The following HCRTR2 variants were observed in gnomAD, a reference collection of about 807,000 sequenced individuals.
HCRTR2 encodes hypocretin receptor 2.
In HCRTR2, 22 loss-of-function variants were observed where a neutral mutation model predicts 49.0. The ratio of observed to expected loss-of-function variants is 0.45; its 90% CI spans 0.32 to 0.64. The LOEUF (loss-of-function observed/expected upper bound fraction) is 0.64. HCRTR2 is among the 30% of genes least tolerant of loss of function. The probability of loss-of-function intolerance (pLI) is 0.04; values close to 1 mark genes in which losing one functional copy is unlikely to be tolerated. For missense variants in HCRTR2, 491 were observed against 559.4 expected, an observed-to-expected ratio of 0.88 and a Z score of 1.23; for synonymous variants, 236 against 205.3, an observed-to-expected ratio of 1.15 and a Z score of -1.28.
intron 1 of HCRTR2, among the ~76,000 whole-genome samples, chr6:55,155,757 A>T (rs927490664): frequency 3.9e-5 from 6 of 152,024 alleles, no homozygotes; most frequent in Non-Finnish European, 7.4e-5. Flanking sequence ...ATCAGATTGA[A>T]TCATGTTTAT....
At chr6:55,120,576 T>G (rs1268843226) in intron 1 of HCRTR2, among the ~76,000 whole-genome samples, 1 of 150,244 alleles carries the variant, frequency 6.7e-6, no homozygotes, top group Non-Finnish European at 1.5e-5. Flanking sequence ...TGTATAGGAA[T>G]GCTTGTGATT....
chr6:55,140,834 T>C (rs1764496177), intron 1 of HCRTR2, among the ~76,000 whole-genome samples: 1 of 152,104 alleles, frequency 6.6e-6, no homozygotes, highest in Admixed American at 6.6e-5. Context: ...ATCTTGCAAA[T>C]GTATACCTAC....
At chr6:55,114,942 C>T (rs1281373546) in intron 1 of HCRTR2, among the ~76,000 whole-genome samples, 2 of 151,572 alleles carry the variant, frequency 1.3e-5, no homozygotes, top group Non-Finnish European at 3.0e-5. Context: ...CTACCAAAGA[C>T]CCTTGTTTTC....
intron 1 of HCRTR2, among the ~76,000 whole-genome samples, chr6:55,221,236 G>A (rs1297365959): frequency 6.6e-6 from 1 of 152,142 alleles, no homozygotes; most frequent in Non-Finnish European, 1.5e-5. Context: ...TCTGGAGAAA[G>A]AAGAGCAAAG....
intron 2 of HCRTR2, among the ~76,000 whole-genome samples, chr6:55,250,194 C>G (rs554972603): frequency 6.6e-6 from 1 of 152,104 alleles, no homozygotes; most frequent in South Asian, 2.1e-4. Flanking sequence ...TTGGATCAGC[C>G]TGCTGAAAAT....
intron 1 of HCRTR2, among the ~76,000 whole-genome samples, chr6:55,221,828 A>AAC (rs1216571014): frequency 1.3e-5 from 2 of 149,002 alleles, no homozygotes; most frequent in Non-Finnish European, 3.0e-5. Flanking sequence ...AAAAAAAAAT[A>AAC]CAAGATCTGA....
At chr6:55,251,213 T>C (rs565680333) in intron 2 of HCRTR2, among the ~76,000 whole-genome samples, 337 of 152,248 alleles carry the variant, frequency 2.2e-3, no homozygotes, top group African/African-American at 7.7e-3. Context: ...AGTTATTTGG[T>C]TGCATTTTAG....
intron 1 of HCRTR2, among the ~76,000 whole-genome samples, chr6:55,185,873 C>T (rs1399709657): frequency 1.3e-5 from 2 of 152,146 alleles, no homozygotes; most frequent in African/African-American, 4.8e-5. Context: ...AAACAGAATA[C>T]AATGTTTCCC....
intron 1 of HCRTR2, among the ~76,000 whole-genome samples, chr6:55,231,144 AC>A (rs1766106952): frequency 6.6e-6 from 1 of 152,098 alleles, no homozygotes. Context: ...TCAACTACAC[AC>A]ACTTCAGTCA....
chr6:55,144,181 C>T (rs1158442382), intron 1 of HCRTR2, among the ~76,000 whole-genome samples: 2 of 147,620 alleles, frequency 1.4e-5, no homozygotes, highest in Non-Finnish European at 3.0e-5. Context: ...GGCGCGATCT[C>T]GGCGCACCGC....
intron 1 of HCRTR2, among the ~76,000 whole-genome samples, chr6:55,211,297 A>G (rs540242280): frequency 2.6e-5 from 4 of 152,296 alleles, no homozygotes; most frequent in Admixed American, 2.6e-4. Context: ...GTGAAAATAA[A>G]TATAATTTTT....
At position 55,178,184 on chromosome 6, in the gene HCRTR2, T is replaced by C. The variant is rs193149529; in HGVS notation, c.223+3374T>C. Reference sequence around the variant, plus strand: ...CTCCTGATTCCTTGAATGACAATTGTAGGGAGAAATGTGTTCTAGTCAGTT... The same window carrying C: ...CTCCTGATTCCTTGAATGACAATTGCAGGGAGAAATGTGTTCTAGTCAGTT... On this transcript the variant is annotated intron_variant, in intron 1 of 6. Transcript: ENST00000370862. 2.7e-3 allele frequency among the ~76,000 whole-genome samples: 408 copies of C among 152,258 alleles called. 2 individuals are homozygous for C. The highest frequency in any genetic ancestry group is 9.4e-3 in the African/African-American group (390 of 41,570).
At chr6:55,167,013 G>A (rs71560898) in intron 1 of HCRTR2, among the ~76,000 whole-genome samples, 8 of 152,076 alleles carry the variant, frequency 5.3e-5, no homozygotes, top group Non-Finnish European at 8.8e-5. Context: ...TTGAGTGTTT[G>A]CCAGCATGTG....
At chr6:55,159,954 C>T (rs1199611018) in intron 1 of HCRTR2, among the ~76,000 whole-genome samples, 2 of 152,156 alleles carry the variant, frequency 1.3e-5, no homozygotes, top group African/African-American at 4.8e-5. Context: ...CCTAGCAAGA[C>T]AGGCCAACAT....
At chr6:55,141,770 A>AT (rs879464181) in intron 1 of HCRTR2, among the ~76,000 whole-genome samples, 28 of 152,330 alleles carry the variant, frequency 1.8e-4, no homozygotes, top group Admixed American at 1.6e-3. Context: ...TAAAAAGGGT[A>AT]TTTTTAACAG....
At chr6:55,115,632 T>A (rs1348272074) in intron 1 of HCRTR2, among the ~76,000 whole-genome samples, 2 of 151,628 alleles carry the variant, frequency 1.3e-5, no homozygotes, top group Non-Finnish European at 3.0e-5. Flanking sequence ...GAATGGTAGT[T>A]ACCATTTTTA....
chr6:55,107,353 C>T (rs980310551), intron 1 of HCRTR2, among the ~76,000 whole-genome samples: 41 of 152,084 alleles, frequency 2.7e-4, no homozygotes, highest in Admixed American at 2.6e-3. Context: ...AAAGCAACTC[C>T]CGTTACTAGC....
chr6:55,262,293 A>C (rs2127321680), intron 3 of HCRTR2, among the ~76,000 whole-genome samples: 1 of 145,228 alleles, frequency 6.9e-6, no homozygotes, highest in East Asian at 2.0e-4. Flanking sequence ...ACATACAAAA[A>C]TTCAGATTCC....
intron 1 of HCRTR2, among the ~76,000 whole-genome samples, chr6:55,199,481 A>C (rs1765472353): frequency 6.6e-6 from 1 of 152,118 alleles, no homozygotes; most frequent in Non-Finnish European, 1.5e-5. Flanking sequence ...GAATTATTTC[A>C]AACTGCAAAG....
Sources: allele counts gnomAD v4.1 joint callset (sites outside exome capture counted in the v4.1 genomes callset), GRCh38; gene constraint gnomAD v4.1.1; transcripts MANE v1.5; gene names NCBI Gene and HGNC (gene_info 2026-07-23, HGNC 2026-07-21).